The following CARMIL1 variants were observed in gnomAD, a reference collection of about 807,000 sequenced individuals.
CARMIL1 encodes F-actin-uncapping protein LRRC16A.
Under a neutral mutation model 177.1 loss-of-function variants are expected in CARMIL1, and 90 were observed. The ratio of observed to expected loss-of-function variants is 0.51; its 90% CI spans 0.43 to 0.61. The LOEUF (loss-of-function observed/expected upper bound fraction) is 0.61, where lower values mean the gene tolerates loss of function less well. Ranked by LOEUF, CARMIL1 falls within the 20% of genes least tolerant of loss-of-function variation. The pLI, the probability that CARMIL1 is intolerant of heterozygous loss-of-function variation, is 0.00. For missense variants in CARMIL1, 1,380 were observed against 1,667.0 expected (o/e 0.83, Z 3.00); for synonymous variants, 577 against 606.2 (o/e 0.95, Z 0.71).
At chr6:25,323,854 T>C (rs1784868457) in intron 2 of CARMIL1, among the ~76,000 whole-genome samples, 1 of 152,220 alleles carries the variant, frequency 6.6e-6, no homozygotes, top group Admixed American at 6.5e-5. Flanking sequence ...CAACTATAGT[T>C]TTCACATGTA....
intron 6 of CARMIL1, 107 bp from the exon 7 acceptor site, chr6:25,450,232 G>C (rs776560388): frequency 2.4e-6 from 2 of 837,606 alleles, no homozygotes; most frequent in Non-Finnish European, 3.9e-6. Context: ...CCCTAAAAAG[G>C]AAAAGGATAA....
At chr6:25,392,779 ATG>A (rs1793003879) in intron 2 of CARMIL1, among the ~76,000 whole-genome samples, 1 of 152,188 alleles carries the variant, frequency 6.6e-6, no homozygotes, top group South Asian at 2.1e-4. Flanking sequence ...TCTGTAATAA[ATG>A]TGTTATTTTT....
rs10642536 is a variant in CARMIL1 at position 25,281,136 on chromosome 6, G to GCGCGCGCGCACA, written c.40+1302_40+1303insGCGCGCGCACAC. 2.1e-3 allele frequency among the ~76,000 whole-genome samples: 275 copies of GCGCGCGCGCACA among 132,168 alleles called. 1 individual carries two copies. The highest frequency in any genetic ancestry group is 3.6e-3 in the Non-Finnish European group (227 of 63,598). The allele number at this position is 132,168 out of a possible 152,430, so 86.7% of individuals were successfully genotyped here. A position where few individuals can be genotyped will look rare whatever the true frequency, so the allele number is the denominator to read the frequency against. ...CAGACGCACGCGCGTGTGCGCGCGC[G>GCGCGCGCGCACA]CACACACACACACACACACACACAC... On this transcript the variant is annotated intron_variant, in intron 1 of 36. Transcript: ENST00000329474.
chr6:25,430,804 A>G (rs886714607), intron 4 of CARMIL1, among the ~76,000 whole-genome samples: 1 of 152,158 alleles, frequency 6.6e-6, no homozygotes, highest in Non-Finnish European at 1.5e-5. Context: ...CTTTTCTTGA[A>G]TGAGCTTTGG....
chr6:25,337,194 G>A (rs1401665162), intron 2 of CARMIL1, among the ~76,000 whole-genome samples: 1 of 152,140 alleles, frequency 6.6e-6, no homozygotes, highest in Non-Finnish European at 1.5e-5. Context: ...TTGCCATACA[G>A]CTCTCCTTGT....
intron 35 of CARMIL1, among the ~76,000 whole-genome samples, chr6:25,609,580 T>C (rs1234185733): frequency 2.6e-5 from 4 of 152,208 alleles, no homozygotes; most frequent in African/African-American, 9.6e-5. Flanking sequence ...TAAAAGACCA[T>C]GATTCCAAAT....
At chr6:25,292,603 C>G (rs568881280) in intron 2 of CARMIL1, among the ~76,000 whole-genome samples, 1 of 152,188 alleles carries the variant, frequency 6.6e-6, no homozygotes, top group Non-Finnish European at 1.5e-5. Flanking sequence ...ACATTCTACT[C>G]TCTCCTCATC....
At chr6:25,496,020 A>G (rs1222777955) in intron 16 of CARMIL1, among the ~76,000 whole-genome samples, 2 of 152,144 alleles carry the variant, frequency 1.3e-5, no homozygotes, top group East Asian at 3.9e-4. Flanking sequence ...TTCCCTTGTA[A>G]TGTGTATGAA....
In CARMIL1 at chr6:25,491,717, TTA is replaced by T. The variant is rs1314717710; in HGVS notation, c.1066-13_1066-12del. ...TTTCTAGAATCCTAACATTTATCTTTTATTTTTTTTCAAGCACATGTATAATT... is the reference window on the plus strand; with the variant it reads ...TTTCTAGAATCCTAACATTTATCTTTTTTTTTTTCAAGCACATGTATAATT... On this transcript the variant is annotated splice_polypyrimidine_tract_variant and intron_variant, in intron 13 of 36. Transcript: ENST00000329474. The T allele has an allele frequency of 1.3e-6, 2 of 1,535,292 alleles. No homozygotes were observed. Among genetic ancestry groups the T allele is most frequent in the East Asian group, 4.6e-5 (2 of 43,082 alleles).
chr6:25,460,704 A>C (rs74335029), intron 8 of CARMIL1, among the ~76,000 whole-genome samples: 23,244 of 152,170 alleles, frequency 0.15, 2,147 homozygotes, highest in South Asian at 0.25. Context: ...TTCTGTTTCT[A>C]TTTCATATTC....
At chr6:25,475,458 T>C (rs1801475657) in intron 11 of CARMIL1, among the ~76,000 whole-genome samples, 2 of 151,858 alleles carry the variant, frequency 1.3e-5, no homozygotes, top group South Asian at 4.1e-4. Context: ...ATTCCACTCC[T>C]AGTTTTATCA....
intron 29 of CARMIL1, among the ~76,000 whole-genome samples, chr6:25,573,180 C>A (rs1812259798): frequency 6.6e-6 from 1 of 152,148 alleles, no homozygotes; most frequent in African/African-American, 2.4e-5. Context: ...AAAGGAAATC[C>A]TTTGAGCCAC....
At chr6:25,504,230 A>G (rs1278145757) in intron 17 of CARMIL1, among the ~76,000 whole-genome samples, 2 of 152,178 alleles carry the variant, frequency 1.3e-5, no homozygotes, top group Non-Finnish European at 2.9e-5. Context: ...GGTAGTTGAG[A>G]TTATTGGGAG....
At chr6:25,296,919 ATCT>A (rs1189918897) in intron 2 of CARMIL1, among the ~76,000 whole-genome samples, 28 of 35,866 alleles carry the variant, frequency 7.8e-4, no homozygotes, top group African/African-American at 2.6e-3. Context: ...CTATCTATCT[ATCT>A]ATCTATCTAT....
intron 4 of CARMIL1, among the ~76,000 whole-genome samples, chr6:25,431,468 A>G (rs1796782117): frequency 6.6e-6 from 1 of 151,952 alleles, no homozygotes; most frequent in African/African-American, 2.4e-5. Context: ...GCAGCAACAT[A>G]TGTTTGCCCA....
At chr6:25,461,614 A>G (rs1320593655) in intron 8 of CARMIL1, among the ~76,000 whole-genome samples, 2 of 152,260 alleles carry the variant, frequency 1.3e-5, no homozygotes, top group Non-Finnish European at 2.9e-5. Context: ...GGTAATTATG[A>G]ACATAGCTCT....
At chr6:25,302,634 G>C (rs1352615782) in intron 2 of CARMIL1, among the ~76,000 whole-genome samples, 1 of 152,216 alleles carries the variant, frequency 6.6e-6, no homozygotes, top group Non-Finnish European at 1.5e-5. Context: ...CAGGGGCCCA[G>C]CCAGTCTCTT....
chr6:25,500,905 G>A (rs780610577), intron 17 of CARMIL1, among the ~76,000 whole-genome samples: 1 of 151,420 alleles, frequency 6.6e-6, no homozygotes, highest in African/African-American at 2.4e-5. Flanking sequence ...GACTACAGGC[G>A]CCCGCCACCA....
chr6:25,306,879 C>CTTTTTTTTT (rs35585232), intron 2 of CARMIL1, among the ~76,000 whole-genome samples: 1 of 105,948 alleles, frequency 9.4e-6, no homozygotes, highest in Non-Finnish European at 1.9e-5. Context: ...AGTGCCTTGG[C>CTTTTTTTTT]TTTTTTTTTT....
Sources: allele counts gnomAD v4.1 joint callset (sites outside exome capture counted in the v4.1 genomes callset), GRCh38; gene constraint gnomAD v4.1.1; transcripts MANE v1.5; gene names NCBI Gene and HGNC (gene_info 2026-07-23, HGNC 2026-07-21).